The following PCDHGA3 variants were observed in gnomAD, a reference collection of about 807,000 sequenced individuals.
PCDHGA3 encodes the protein protocadherin gamma subfamily A, 3.
In PCDHGA3, 40 loss-of-function variants were observed where a neutral mutation model predicts 58.5. The observed-to-expected ratio is 0.68, with a 90% CI of 0.53 to 0.89. PCDHGA3 has a LOEUF of 0.89. Ranked by LOEUF, PCDHGA3 falls within the 40% of genes least tolerant of loss-of-function variation. The pLI is 0.00. For missense variants in PCDHGA3, 1,223 were observed against 1,195.9 expected, an observed-to-expected ratio of 1.02 and a Z score of -0.33; for synonymous variants, 530 against 525.7, an observed-to-expected ratio of 1.01 and a Z score of -0.11.
chr5:141,399,494 G>A, intron 1 of PCDHGA3: 1 of 1,614,032 alleles, frequency 6.2e-7, no homozygotes, highest in Non-Finnish European at 8.5e-7. Flanking sequence ...TACTTAGTCA[G>A]TGTACCCGAA....
At chr5:141,414,167 A>T (rs2095716553) in intron 1 of PCDHGA3, 3 of 1,605,526 alleles carry the variant, frequency 1.9e-6, no homozygotes, top group Non-Finnish European at 2.6e-6. Flanking sequence ...GGAGGAGCAT[A>T]TCTTGCAACT....
In PCDHGA3 at chr5:141,489,906, C is replaced by T. The variant is rs550717535; in HGVS notation, c.2425-4901C>T. On this transcript the variant is annotated intron_variant, in intron 1 of 3. Transcript: ENST00000253812. The surrounding 1 kb of genome is among the most constrained non-coding windows in gnomAD (Gnocchi z 4.5). ...CTGTGGATGGGGGGACCCCAGCCCG[C>T]TCAGGGACCACCCTTATCTCTGTCA... 4.5e-5 allele frequency: 72 copies of T among 1,614,234 alleles called. No individual in the cohort carries two copies. In the African/African-American group the frequency reaches 5.6e-4, roughly 13 times the overall value.
At position 141,511,036 on chromosome 5, in the gene PCDHGA3, G is replaced by A. The variant is rs116366286; in HGVS notation, c.2662G>A (p.Val888Met). ...CGGACCCCAGTTCACCCTGCAGCAC[G>A]TGCCCGACTACCGCCAGAATGTCTA... is the stretch of plus-strand genomic sequence containing the variant. ...RYGPQFTLQH[V>M]PDYRQNVYIP... is the part of the protein sequence containing the mutation. Residue 888 changes from valine to methionine, a missense_variant, in exon 4 of 4, where the codon GTG becomes ATG. Physicochemically the swap from Val to Met is conservative, Grantham distance 21. Transcript: ENST00000253812. 5.5e-5 allele frequency: 89 copies of A among 1,614,198 alleles called. No individual in the cohort carries two copies. The highest frequency in any genetic ancestry group is 1.6e-4 in the Middle Eastern group (1 of 6,062).
In PCDHGA3 at chr5:141,404,489, G is replaced by A. The variant is rs867768935; in HGVS notation, c.2424+58032G>A. 30 of 1,613,796 alleles carry A rather than the reference G, an allele frequency of 1.9e-5. No individual in the cohort carries two copies. The highest frequency in any genetic ancestry group is 1.3e-4 in the African/African-American group (10 of 75,048). On this transcript the variant is annotated intron_variant, in intron 1 of 3. Transcript: ENST00000253812. ...TGTCTCTATTAACTCAGACACTGGT[G>A]TGCTGTATGCTCTGTGCTCCTTTGA...
chr5:141,447,689 AG>A lies in PCDHGA3; in HGVS notation c.2425-47115del, dbSNP rs145694922. ...TTAGAACTGTTCCATATCTTGATAGAGGGATGGGTTATAAGGATGTACACAT... is the reference window on the plus strand; with the variant it reads ...TTAGAACTGTTCCATATCTTGATAGAGGATGGGTTATAAGGATGTACACAT... On this transcript the variant is annotated intron_variant, in intron 1 of 3. Coordinates refer to ENST00000253812, the MANE Select transcript of PCDHGA3 (RefSeq NM_018916.4). Among the ~76,000 whole-genome samples the A allele has an allele frequency of 4.6e-3, 694 of 152,302 alleles. 4 individuals are homozygous for A. The highest frequency in any genetic ancestry group is 0.015 in the African/African-American group (633 of 41,566).
chr5:141,366,885 T>TA (rs1382759169), intron 1 of PCDHGA3: 4 of 1,309,886 alleles, frequency 3.1e-6, no homozygotes, highest in Admixed American at 2.5e-5. Flanking sequence ...TTAATTTTTT[T>TA]TATATAATTC....
rs1490049668 is a variant in PCDHGA3 at position 141,344,911 on chromosome 5, A to T, written c.878A>T (p.His293Leu). 3 of 1,613,804 alleles carry T rather than the reference A, an allele frequency of 1.9e-6. No individual in the cohort carries two copies. In the Admixed American group the frequency reaches 5.0e-5, roughly 27 times the overall value. The stretch of plus-strand genomic sequence containing the variant: ...CCTGGGAAAATCGCTGAGATTTTCC[A>T]TCTTAACTCAGTGAGTGGAGAAGTA... ...KMPGKIAEIF[H>L]LNSVSGEVSI... is the part of the protein sequence containing the mutation. The change falls in exon 1 of 4, where the codon CAT (histidine) becomes CTT (leucine). Residue 293 changes from histidine to leucine, a missense_variant. Coordinates refer to ENST00000253812, the MANE Select transcript of PCDHGA3 (RefSeq NM_018916.4).
intron 1 of PCDHGA3, chr5:141,422,218 A>T: frequency 1.3e-6 from 2 of 1,564,130 alleles, no homozygotes; most frequent in Non-Finnish European, 8.6e-7. Flanking sequence ...TCTCTTTACC[A>T]CCACGACGAT....
At position 141,379,889 on chromosome 5, in the gene PCDHGA3, C is replaced by CTTTTTTTTTTTTTTTTTTTTTTTTTT. The variant is rs70988800; in HGVS notation, c.2424+33437_2424+33462dup. On this transcript the variant is annotated intron_variant, in intron 1 of 3. Coordinates refer to ENST00000253812, the MANE Select transcript of PCDHGA3 (RefSeq NM_018916.4). ...CTTATTTTATGGTCTGTGAAAGCCT[C>CTTTTTTTTTTTTTTTTTTTTTTTTTT]TTTTTTTTTTTTTTTTTTTTTTTTT... Among the ~76,000 whole-genome samples the CTTTTTTTTTTTTTTTTTTTTTTTTTT allele has an allele frequency of 6.9e-4, 35 of 50,830 alleles. 8 individuals carry two copies. Among genetic ancestry groups the CTTTTTTTTTTTTTTTTTTTTTTTTTT allele is most frequent in the Non-Finnish European group, 8.9e-4 (23 of 25,880 alleles). The allele number at this position is 50,830 out of a possible 152,430, so 33.3% of individuals were successfully genotyped here. A position where few individuals can be genotyped will look rare whatever the true frequency, so the allele number is the denominator to read the frequency against.
At chr5:141,409,546 C>G in intron 1 of PCDHGA3, 1 of 1,613,998 alleles carries the variant, frequency 6.2e-7, no homozygotes, top group Non-Finnish European at 8.5e-7. Flanking sequence ...TCAACGACAA[C>G]GCCCCAGTTT....
chr5:141,346,613 G>C (rs546078432), intron 1 of PCDHGA3, 156 bp downstream of exon 1: 2 of 1,116,250 alleles, frequency 1.8e-6, no homozygotes, highest in South Asian at 3.3e-5. Flanking sequence ...CCTATAGTAG[G>C]ACTGCACTCC....
In PCDHGA3 at chr5:141,477,453, A is replaced by T; in HGVS notation, c.2425-17354A>T. On this transcript the variant is annotated intron_variant, in intron 1 of 3. Transcript: ENST00000253812. This position sits in a 1 kb window ranked among gnomAD's most constrained non-coding sequence, Gnocchi z 4.9. Reference sequence around the variant, plus strand: ...TCAGCCCTTACAATAGTGCGTGTTCAAGTGTCCGACATCAATGACAACCCT... The same window carrying T: ...TCAGCCCTTACAATAGTGCGTGTTCTAGTGTCCGACATCAATGACAACCCT... The T allele has an allele frequency of 6.2e-7, 1 of 1,614,136 alleles. No homozygotes were observed. The highest frequency in any genetic ancestry group is 8.5e-7 in the Non-Finnish European group (1 of 1,180,026).
intron 1 of PCDHGA3, chr5:141,417,742 G>A: frequency 7.0e-7 from 1 of 1,418,808 alleles, no homozygotes. Flanking sequence ...CAGCACACCA[G>A]ATTGCCAGCT....
At chr5:141,418,806 C>A in intron 1 of PCDHGA3, 1 of 1,613,696 alleles carries the variant, frequency 6.2e-7, no homozygotes, top group Non-Finnish European at 8.5e-7. Context: ...GAAAGATATA[C>A]GATAAACATA....
chr5:141,355,033 T>C, intron 1 of PCDHGA3: 1 of 1,004,180 alleles, frequency 1.0e-6, no homozygotes, highest in African/African-American at 1.6e-5. Flanking sequence ...AATCACAAGA[T>C]TTCTGCAGCA....
In PCDHGA3 at chr5:141,490,507, G is replaced by C; in HGVS notation, c.2425-4300G>C. 1 of 1,614,016 alleles carries C rather than the reference G, an allele frequency of 6.2e-7. No individual in the cohort carries two copies. Among genetic ancestry groups the C allele is most frequent in the Non-Finnish European group, 8.5e-7 (1 of 1,180,002 alleles). On this transcript the variant is annotated intron_variant, in intron 1 of 3. Transcript: ENST00000253812. The surrounding 1 kb of genome is among the most constrained non-coding windows in gnomAD (Gnocchi z 5.4). ...GGAGGCCACATCCCACTATATCATCGAGCTGCTGGCCAGCGATGCTGGTTC... is the reference window on the plus strand; with the variant it reads ...GGAGGCCACATCCCACTATATCATCCAGCTGCTGGCCAGCGATGCTGGTTC...
intron 1 of PCDHGA3, chr5:141,351,455 A>G (rs77250251): frequency 0.028 from 45,352 of 1,613,276 alleles, 717 homozygotes; most frequent in Middle Eastern, 0.09. Flanking sequence ...GAATTATTAC[A>G]AGCTGGTGAT....
intron 1 of PCDHGA3, chr5:141,441,364 C>T (rs533396852): frequency 6.6e-6 from 1 of 152,646 alleles, no homozygotes; most frequent in South Asian, 2.1e-4. Context: ...CAAATGGGGC[C>T]GTGGACCAGG....
At chr5:141,365,727 C>A (rs2149880807) in intron 1 of PCDHGA3, 1 of 1,613,786 alleles carries the variant, frequency 6.2e-7, no homozygotes, top group Non-Finnish European at 8.5e-7. Flanking sequence ...GAAAACAATC[C>A]CAGAGGTGTC....
Sources: gnomAD v4.1 joint callset for allele counts (sites outside exome capture counted in the v4.1 genomes callset) on GRCh38, gnomAD v4.1.1 for gene constraint, Gnocchi (gnomAD v3.1) non-coding constraint, MANE v1.5 for transcripts, NCBI Gene and HGNC (gene_info 2026-07-23, HGNC 2026-07-21) for gene names.